RNF207: variants seen among roughly 807,000 people sequenced by gnomAD.
The protein encoded by RNF207 is OTTHUMG00000001089.
A neutral mutation model predicts 79.0 loss-of-function variants in RNF207; 72 were observed. That is an observed-to-expected ratio of 0.91 (90% CI 0.75 to 1.11). RNF207 has a LOEUF of 1.11. Ranked by LOEUF, RNF207 falls within the 50% of genes least tolerant of loss-of-function variation. RNF207 has a pLI of 0.00. For synonymous variants in RNF207, 348 were observed against 366.2 expected, an observed-to-expected ratio of 0.95 and a Z score of 0.57; for missense variants, 936 against 855.8, an observed-to-expected ratio of 1.09 and a Z score of -1.17.
In RNF207 at chr1:6,207,769, C is replaced by G; in HGVS notation, c.324+258C>G. On this transcript the variant is annotated intron_variant, in intron 3 of 17. Transcript: ENST00000377939. The surrounding 1 kb of genome is among the most constrained non-coding windows in gnomAD (Gnocchi z 4.5). Reference sequence around the variant, plus strand: ...TCGATCTGGGGAGAGCTCACTGGTCCCCAATTCAGGGTGGAGTTGTGGACC... The same window carrying G: ...TCGATCTGGGGAGAGCTCACTGGTCGCCAATTCAGGGTGGAGTTGTGGACC... 1 of 661,650 alleles carries G rather than the reference C, an allele frequency of 1.5e-6. No homozygotes were observed. Among genetic ancestry groups the G allele is most frequent in the Non-Finnish European group, 2.8e-6 (1 of 359,016 alleles). The allele number at this position is 661,650 out of a possible 1,614,324, so 41.0% of individuals were successfully genotyped here. A position where few individuals can be genotyped will look rare whatever the true frequency, so the allele number is the denominator to read the frequency against.
rs1424399078 is a variant in RNF207 at position 6,213,195 on chromosome 1, G to A, written c.1652+12G>A. 6.4e-7 allele frequency: 1 copy of A among 1,569,832 alleles called. No individual in the cohort carries two copies. ...CGGCTGGAGCCCAGGTGAGGCCAAGGGGGTGTTCCCAGGGCCACTGAGACT... is the reference window on the plus strand; with the variant it reads ...CGGCTGGAGCCCAGGTGAGGCCAAGAGGGTGTTCCCAGGGCCACTGAGACT... On this transcript the variant is annotated intron_variant, in intron 16 of 17. Transcript: ENST00000377939.
At position 6,219,458 on chromosome 1, in the gene RNF207, G is replaced by A; in HGVS notation, c.*51G>A. ...GGCTCTTAGAGCAGGCACAAGACTG[G>A]GACACTGGACAGAAGGTTGTTCCCA... is the stretch of plus-strand genomic sequence containing the variant. On this transcript the variant is annotated 3_prime_UTR_variant, in exon 18 of 18. Transcript: ENST00000377939. 2 of 1,311,888 alleles carry A rather than the reference G, an allele frequency of 1.5e-6. No homozygotes were observed. The highest frequency in any genetic ancestry group is 4.7e-5 in the East Asian group (2 of 42,652). The allele number at this position is 1,311,888 out of a possible 1,614,324, so 81.3% of individuals were successfully genotyped here.
rs928931025 is a variant in RNF207 at position 6,209,264 on chromosome 1, G to T, written c.552-4G>T. ...GAGCGGGCCTCACCCGCCGCCTTCT[G>T]CAGGGAGAGCCGGGCACACTGCGTG... On this transcript the variant is annotated splice_region_variant and splice_polypyrimidine_tract_variant and intron_variant, in intron 5 of 17. Coordinates refer to ENST00000377939, the MANE Select transcript of RNF207 (RefSeq NM_207396.3). 20 of 1,549,340 alleles carry T rather than the reference G, an allele frequency of 1.3e-5. No individual in the cohort carries two copies. The African/African-American group carries it at 2.2e-4, about 17-fold the overall frequency.
rs1038040401 is a variant in RNF207, at chr1:6,217,462, C to A, written c.1653-827C>A. ...CATCTCCCACTGCCCCCTTCCTGGGCAGCCCTACCTGGATGTCTACAGGCA... is the reference window on the plus strand; with the variant it reads ...CATCTCCCACTGCCCCCTTCCTGGGAAGCCCTACCTGGATGTCTACAGGCA... On this transcript the variant is annotated intron_variant, in intron 16 of 17. Coordinates refer to ENST00000377939, the MANE Select transcript of RNF207 (RefSeq NM_207396.3). The surrounding 1 kb of genome is among the most constrained non-coding windows in gnomAD (Gnocchi z 4.2). Among the ~76,000 whole-genome samples, 1 of 152,196 alleles carries A rather than the reference C, an allele frequency of 6.6e-6. No individual in the cohort carries two copies. Among genetic ancestry groups the A allele is most frequent in the Non-Finnish European group, 1.5e-5 (1 of 68,036 alleles).
intron 17 of RNF207, 39 bp downstream of exon 17, chr1:6,218,408 G>C (rs766205222): frequency 6.8e-7 from 1 of 1,479,476 alleles, no homozygotes; most frequent in East Asian, 2.3e-5. Flanking sequence ...TGCACGCGAT[G>C]TGGCTTCTGA....
chr1:6,219,407 G>C lies in RNF207; in HGVS notation c.1905G>C (p.Ter635TyrextTer35). 1 of 1,599,692 alleles carries C rather than the reference G, an allele frequency of 6.3e-7. No homozygotes were observed. The highest frequency in any genetic ancestry group is 8.5e-7 in the Non-Finnish European group (1 of 1,172,290). Reference sequence around the variant, plus strand: ...CCACATGGAGGGAACACCCGACTTAGCAAATGGGACCGGTCCCCAGGGTCA... The same window carrying C: ...CCACATGGAGGGAACACCCGACTTACCAAATGGGACCGGTCCCCAGGGTCA... ...DVPTWREHPT[*>Y] The change falls in exon 18 of 18, where the codon TAG (stop) becomes TAC (tyrosine). Residue 635 changes from the stop codon to tyrosine, a stop_lost. Coordinates refer to ENST00000377939, the MANE Select transcript of RNF207 (RefSeq NM_207396.3).
Position 6,217,255 on chromosome 1 carries a change from G to C in RNF207, c.1653-1034G>C, listed in dbSNP as rs1460933571. 6.6e-6 allele frequency among the ~76,000 whole-genome samples: 1 copy of C among 152,152 alleles called. No individual in the cohort carries two copies. Among genetic ancestry groups the C allele is most frequent in the Non-Finnish European group, 1.5e-5 (1 of 68,026 alleles). On this transcript the variant is annotated intron_variant, in intron 16 of 17. Transcript: ENST00000377939. This position sits in a 1 kb window ranked among gnomAD's most constrained non-coding sequence, Gnocchi z 4.2. ...TCCAGCCGTTCCTTCCTGGTCTCTGGCTGGCTCTGCCTCCTCAGCTCAGTG... is the reference window on the plus strand; with the variant it reads ...TCCAGCCGTTCCTTCCTGGTCTCTGCCTGGCTCTGCCTCCTCAGCTCAGTG...
At position 6,209,966 on chromosome 1, in the gene RNF207, C is replaced by A; in HGVS notation, c.796C>A (p.Gln266Lys). 6.3e-7 allele frequency: 1 copy of A among 1,590,244 alleles called. No homozygotes were observed. Reference protein sequence around the residue: ...ERKALLLQAVQSQYEEKDKAF... With the variant: ...ERKALLLQAVKSQYEEKDKAF... ...GAAAGCGCTGCTGCTGCAGGCTGTG[C>A]AGAGGTGAGTTGGGGGGAGCGGGGC... The change falls in exon 8 of 18, where the codon CAG becomes AAG. Residue 266 changes from glutamine to lysine, a missense_variant. Physicochemically the swap from Gln to Lys is moderately conservative, Grantham distance 53. Coordinates refer to ENST00000377939, the MANE Select transcript of RNF207 (RefSeq NM_207396.3).
rs1668403273 is a variant in RNF207 at position 6,217,635 on chromosome 1, C to G, written c.1653-654C>G. ...TCCTTTCACCCACTTCATTTCCAAC[C>G]CACCCCCAAGTCCTGCTGGCTCTAC... On this transcript the variant is annotated intron_variant, in intron 16 of 17. Transcript: ENST00000377939. This position sits in a 1 kb window ranked among gnomAD's most constrained non-coding sequence, Gnocchi z 4.2. 6.6e-6 allele frequency among the ~76,000 whole-genome samples: 1 copy of G among 152,148 alleles called. No homozygotes were observed. The highest frequency in any genetic ancestry group is 2.4e-5 in the African/African-American group (1 of 41,418).
In RNF207 at chr1:6,208,916, A is replaced by T; in HGVS notation, c.360A>T (p.Gly120=). Residue 120 remains glycine, a synonymous_variant, in exon 4 of 18, where the codon GGA becomes GGT. Transcript: ENST00000377939. ...VETTYFCNTC[G]QPLCARCRDE... ...CCACGTACTTCTGCAACACGTGCGG[A>T]CAGCCCCTATGCGCGCGCTGCCGCG... The T allele has an allele frequency of 6.5e-7, 1 of 1,534,036 alleles. No individual in the cohort carries two copies. Among genetic ancestry groups the T allele is most frequent in the Non-Finnish European group, 8.7e-7 (1 of 1,145,358 alleles).
rs1468640142 is a variant in RNF207 at position 6,209,302 on chromosome 1, G to T, written c.586G>T (p.Ala196Ser). Residue 196 changes from alanine (A) to serine (S), a missense_variant, in exon 6 of 18, where the codon GCT becomes TCT. By Grantham distance (99) the Ala-to-Ser change is moderately conservative. Transcript: ENST00000377939. The stretch of plus-strand genomic sequence containing the variant: ...GGCACACTGCGTGGACCTGGAATCG[G>T]CTTACGTGCAGGGCTGCGAGCGGCT... ...SRAHCVDLES[A>S]YVQGCERLEQ... The T allele has an allele frequency of 1.3e-6, 2 of 1,548,058 alleles. No individual in the cohort carries two copies. The highest frequency in any genetic ancestry group is 2.7e-5 in the African/African-American group (2 of 73,032).
chr1:6,218,308 G>A lies in RNF207; in HGVS notation c.1672G>A (p.Glu558Lys). 1 of 1,614,052 alleles carries A rather than the reference G, an allele frequency of 6.2e-7. No homozygotes were observed. The change falls in exon 17 of 18, where the codon GAG (glutamate) becomes AAG (lysine). Residue 558 changes from glutamate (E) to lysine (K), a missense_variant. Physicochemically the swap from Glu to Lys is moderately conservative, Grantham distance 56. Transcript: ENST00000377939. ...TGCCAGGTTTCAGGCACCCGTGGAT[G>A]AGCAGTCAGAGAGTCTACAGAACAC... is the stretch of plus-strand genomic sequence containing the variant. ...LEPRFQAPVD[E>K]QSESLQNTHD...
rs896422615 is a variant in RNF207 at position 6,212,627 on chromosome 1, C to T, written c.1483-55C>T. 51 of 1,491,300 alleles carry T rather than the reference C, an allele frequency of 3.4e-5. No homozygotes were observed. In the South Asian group the frequency reaches 5.2e-4, roughly 15 times the overall value. The allele number at this position is 1,491,300 out of a possible 1,614,324, so 92.4% of individuals were successfully genotyped here. On this transcript the variant is annotated intron_variant, in intron 14 of 17. Coordinates refer to ENST00000377939, the MANE Select transcript of RNF207 (RefSeq NM_207396.3). ...TCTGAGTAGCTAGAGATAGCAATGC[C>T]GCCACCGTAAATTCAGCTCACTGCC... is the stretch of plus-strand genomic sequence containing the variant.
intron 16 of RNF207, among the ~76,000 whole-genome samples, chr1:6,215,035 T>A (rs868856987): frequency 7.6e-5 from 10 of 131,002 alleles, no homozygotes; most frequent in Middle Eastern, 3.9e-3. Context: ...CCTATTTCCC[T>A]TTTTTTTTTT....
In RNF207 at chr1:6,219,886, TC is replaced by T; in HGVS notation, c.*482del. 1 of 152,454 alleles carries T rather than the reference TC, an allele frequency of 6.6e-6. No individual in the cohort carries two copies. Among genetic ancestry groups the T allele is most frequent in the Non-Finnish European group, 1.5e-5 (1 of 68,330 alleles). 9.4% of individuals were successfully genotyped at this position (152,454 alleles called of 1,614,324 possible). On this transcript the variant is annotated 3_prime_UTR_variant, in exon 18 of 18. Transcript: ENST00000377939. ...TCTCTGGCTCACCGCAACCTCCGCCTCCCAGGTTCAAGCGATTCTCCTACCT... is the reference window on the plus strand; with the variant it reads ...TCTCTGGCTCACCGCAACCTCCGCCTCCAGGTTCAAGCGATTCTCCTACCT...
intron 17 of RNF207, among the ~76,000 whole-genome samples, chr1:6,218,897 CAG>C (rs976090421): frequency 3.3e-5 from 5 of 152,134 alleles, no homozygotes; most frequent in Admixed American, 2.6e-4. Context: ...CTGAAGTGGC[CAG>C]AGTCACAGCG....
chr1:6,218,808 T>C (rs1462585252), intron 17 of RNF207, among the ~76,000 whole-genome samples: 1 of 152,104 alleles, frequency 6.6e-6, no homozygotes, highest in African/African-American at 2.4e-5. Flanking sequence ...TATTTTGCTT[T>C]CAGGAAAACA....
Position 6,219,650 on chromosome 1 carries a change from G to A in RNF207, c.*243G>A, listed in dbSNP as rs937319625. The A allele has an allele frequency of 3.3e-5, 8 of 245,138 alleles. No individual in the cohort carries two copies. The highest frequency in any genetic ancestry group is 4.7e-5 in the Non-Finnish European group (6 of 128,800). The allele number at this position is 245,138 out of a possible 1,614,324, so 15.2% of individuals were successfully genotyped here. A position where few individuals can be genotyped will look rare whatever the true frequency, so the allele number is the denominator to read the frequency against. On this transcript the variant is annotated 3_prime_UTR_variant, in exon 18 of 18. Transcript: ENST00000377939. The stretch of plus-strand genomic sequence containing the variant: ...TGGGATTACAGGCGCCTGACACCAC[G>A]CCCCGCTAATTTTTTGTATTTTTAG...
rs1226404734 is a variant in RNF207, at chr1:6,212,038, T to C, written c.1281T>C (p.Tyr427=). 1.1e-5 allele frequency: 17 copies of C among 1,601,178 alleles called. No homozygotes were observed. Among genetic ancestry groups the C allele is most frequent in the Non-Finnish European group, 1.4e-5 (16 of 1,174,524 alleles). ...NTPFAEHCRH[Y]EDSYRHLQAE... Reference sequence around the variant, plus strand: ...CCTTCGCAGAGCACTGCCGCCACTATGAGGACTCCTACCGGGTGAGGGGGC... The same window carrying C: ...CCTTCGCAGAGCACTGCCGCCACTACGAGGACTCCTACCGGGTGAGGGGGC... Residue 427 remains tyrosine, a synonymous_variant, in exon 13 of 18, where the codon TAT becomes TAC. Coordinates refer to ENST00000377939, the MANE Select transcript of RNF207 (RefSeq NM_207396.3).
Sources: allele counts gnomAD v4.1 joint callset (sites outside exome capture counted in the v4.1 genomes callset), GRCh38; gene constraint gnomAD v4.1.1; non-coding constraint Gnocchi (gnomAD v3.1); transcripts MANE v1.5; gene names NCBI Gene and HGNC (gene_info 2026-07-23, HGNC 2026-07-21).